The following NUMB variants were observed in gnomAD, a reference collection of about 807,000 sequenced individuals.
NUMB encodes NUMB endocytic adaptor protein.
NUMB carries 29 observed loss-of-function variants against 59.7 expected under a neutral mutation model. That is an observed-to-expected ratio of 0.49 (90% confidence interval 0.36 to 0.66). The LOEUF (loss-of-function observed/expected upper bound fraction) is 0.66, where lower values mean the gene tolerates loss of function less well. Among genes scored for constraint, NUMB ranks in the 30% least tolerant of loss-of-function variants. The probability of loss-of-function intolerance (pLI) is 0.00; values close to 1 mark genes in which losing one functional copy is unlikely to be tolerated. For synonymous variants in NUMB, 288 were observed against 288.2 expected, an observed-to-expected ratio of 1.00 and a Z score of 0.01; for missense variants, 723 against 822.0, an observed-to-expected ratio of 0.88 and a Z score of 1.47.
chr14:73,406,408 T>C (rs1334151299), intron 2 of NUMB, among the ~76,000 whole-genome samples: 1 of 152,058 alleles, frequency 6.6e-6, no homozygotes, highest in Non-Finnish European at 1.5e-5. Context: ...TCCATGTCCC[T>C]ACAAAGGACA....
At chr14:73,406,096 T>G (rs1566783215) in intron 2 of NUMB, among the ~76,000 whole-genome samples, 2 of 136,258 alleles carry the variant, frequency 1.5e-5, no homozygotes, top group Admixed American at 8.1e-5. Context: ...ATTTTTGTTT[T>G]TTTTTTTTTT....
At chr14:73,281,065 T>C (rs1888603787) in intron 11 of NUMB, among the ~76,000 whole-genome samples, 1 of 152,096 alleles carries the variant, frequency 6.6e-6, no homozygotes, top group South Asian at 2.1e-4. Flanking sequence ...ATTTTTTTTT[T>C]CACCTAGAAA....
chr14:73,314,126 G>A (rs999816683), intron 6 of NUMB, among the ~76,000 whole-genome samples: 3 of 152,082 alleles, frequency 2.0e-5, no homozygotes, highest in African/African-American at 7.2e-5. Flanking sequence ...CTATAAAAAA[G>A]AAAGTAAAAG....
chr14:73,372,528 A>G (rs1455088596), intron 2 of NUMB, among the ~76,000 whole-genome samples: 56 of 149,924 alleles, frequency 3.7e-4, no homozygotes, highest in Non-Finnish European at 1.0e-4. Flanking sequence ...ATATGAATAG[A>G]TATTAAAAAC....
intron 2 of NUMB, among the ~76,000 whole-genome samples, chr14:73,370,553 G>A (rs1594958121): frequency 6.6e-6 from 1 of 152,110 alleles, no homozygotes; most frequent in African/African-American, 2.4e-5. Context: ...TTAGCCGGGC[G>A]TGATGGCACA....
intron 1 of NUMB, among the ~76,000 whole-genome samples, chr14:73,452,940 T>C (rs1175297909): frequency 6.6e-6 from 1 of 152,058 alleles, no homozygotes; most frequent in Non-Finnish European, 1.5e-5. Flanking sequence ...ATGTTGCAAA[T>C]AGAATCATCC....
At chr14:73,365,596 CTCTG>C (rs1478643940) in intron 3 of NUMB, among the ~76,000 whole-genome samples, 1 of 149,202 alleles carries the variant, frequency 6.7e-6, no homozygotes, top group Non-Finnish European at 1.5e-5. Flanking sequence ...CATAGCAAGA[CTCTG>C]TCTCCATAAG....
intron 7 of NUMB, among the ~76,000 whole-genome samples, chr14:73,293,673 G>A (rs1051048820): frequency 3.3e-5 from 5 of 152,134 alleles, no homozygotes; most frequent in South Asian, 2.1e-4. Flanking sequence ...TTACAGGCAC[G>A]AGCCACCGTG....
intron 1 of NUMB, among the ~76,000 whole-genome samples, chr14:73,415,017 GATA>G (rs1337890577): frequency 5.3e-5 from 8 of 152,150 alleles, no homozygotes. Flanking sequence ...ACGCCCAGCT[GATA>G]ATGATGTTTT....
intron 2 of NUMB, among the ~76,000 whole-genome samples, chr14:73,384,340 C>T (rs1043381803): frequency 4.6e-5 from 7 of 151,952 alleles, no homozygotes; most frequent in South Asian, 4.2e-4. Flanking sequence ...CCACCCGCCT[C>T]GGCCTCCCAA....
intron 1 of NUMB, among the ~76,000 whole-genome samples, chr14:73,457,226 C>CT (rs1884441982): frequency 6.6e-6 from 1 of 152,152 alleles, no homozygotes; most frequent in Non-Finnish European, 1.5e-5. Context: ...TTTAGTTCAG[C>CT]TACTCCTCCC....
chr14:73,386,095 T>C (rs530925061), intron 2 of NUMB, among the ~76,000 whole-genome samples: 2 of 152,228 alleles, frequency 1.3e-5, no homozygotes, highest in South Asian at 4.1e-4. Flanking sequence ...AGAACTGTTA[T>C]TAACCAGGAT....
intron 2 of NUMB, among the ~76,000 whole-genome samples, chr14:73,374,747 G>T: frequency 8.4e-6 from 1 of 119,292 alleles, no homozygotes; most frequent in East Asian, 2.9e-4. Context: ...TTTTGAGACA[G>T]AGTCTCTCTC....
At chr14:73,305,175 T>C (rs913929354) in intron 6 of NUMB, among the ~76,000 whole-genome samples, 3 of 152,218 alleles carry the variant, frequency 2.0e-5, no homozygotes, top group Non-Finnish European at 4.4e-5. Context: ...CTATTGCAAC[T>C]ACTCAACTCT....
At position 73,401,632 on chromosome 14, in the gene NUMB, T is replaced by C. The variant is rs578057477; in HGVS notation, c.-101+8305A>G. The stretch of plus-strand genomic sequence containing the variant: ...TCGCCCAGGCTGGAGTGCAGTGGCA[T>C]GACCTTGGCTCACTGCAAGCTCCAC... On this transcript the variant is annotated intron_variant, in intron 2 of 12. Transcript: ENST00000555238. Among the ~76,000 whole-genome samples, 39 of 146,036 alleles carry C rather than the reference T, an allele frequency of 2.7e-4. No homozygotes were observed. In the South Asian group the frequency reaches 8.1e-3, roughly 30 times the overall value.
intron 1 of NUMB, among the ~76,000 whole-genome samples, chr14:73,425,086 T>C (rs1222261934): frequency 2.0e-5 from 3 of 152,196 alleles, no homozygotes; most frequent in African/African-American, 4.8e-5. Context: ...CTCATACACA[T>C]TGTTACACCC....
intron 1 of NUMB, among the ~76,000 whole-genome samples, chr14:73,411,203 T>C (rs1344065645): frequency 1.4e-5 from 1 of 72,318 alleles, no homozygotes; most frequent in Non-Finnish European, 2.8e-5. Flanking sequence ...GGCTAATTTT[T>C]GGGGGAAAGT....
chr14:73,446,046 G>A (rs9743632), intron 1 of NUMB, among the ~76,000 whole-genome samples: 7,540 of 147,062 alleles, frequency 0.051, 631 homozygotes, highest in African/African-American at 0.18. Context: ...GCCCAGGCTC[G>A]AGTCCAGTGG....
intron 5 of NUMB, among the ~76,000 whole-genome samples, chr14:73,318,680 T>G (rs1891215595): frequency 6.6e-6 from 1 of 152,216 alleles, no homozygotes; most frequent in Admixed American, 6.5e-5. Context: ...TTTCTGTCAT[T>G]TATCCTATAG....
Sources: allele counts gnomAD v4.1 joint callset (sites outside exome capture counted in the v4.1 genomes callset), GRCh38; gene constraint gnomAD v4.1.1; transcripts MANE v1.5; gene names NCBI Gene and HGNC (gene_info 2026-07-23, HGNC 2026-07-21).